Variants in DNAJC1 observed in about 807,000 individuals in gnomAD.
DNAJC1 encodes DnaJ heat shock protein family (Hsp40) member C1, also known as dnaJ homolog subfamily C member 1.
A neutral mutation model predicts 76.6 loss-of-function variants in DNAJC1; 58 were observed. The observed-to-expected ratio is 0.76, with a 90% confidence interval of 0.61 to 0.94. DNAJC1 has a LOEUF of 0.94. Ranked by LOEUF, DNAJC1 falls within the 40% of genes least tolerant of loss-of-function variation. The pLI is 0.00. For missense variants in DNAJC1, 689 were observed against 677.3 expected, an observed-to-expected ratio of 1.02 and a Z score of -0.19; for synonymous variants, 258 against 267.9, an observed-to-expected ratio of 0.96 and a Z score of 0.36.
chr10:21,759,464 C>A lies in DNAJC1; in HGVS notation c.1302G>T (p.Glu434Asp), dbSNP rs1201321473. ...EEQEGDSGEQ[E>D]TGATDARPRR... Reference sequence around the variant, plus strand: ...GAGGCCGGGCATCAGTGGCCCCGGTCTCCTGCTCACCGGAGTCTCCCTCCT... The same window carrying A: ...GAGGCCGGGCATCAGTGGCCCCGGTATCCTGCTCACCGGAGTCTCCCTCCT... The change falls in exon 11 of 12, where the codon GAG (glutamate) becomes GAT (aspartate). Residue 434 changes from glutamate (E) to aspartate (D), a missense_variant. Coordinates refer to ENST00000376980, the MANE Select transcript of DNAJC1 (RefSeq NM_022365.4). The A allele has an allele frequency of 1.9e-6, 3 of 1,614,070 alleles. No homozygotes were observed. The highest frequency in any genetic ancestry group is 2.5e-6 in the Non-Finnish European group (3 of 1,180,052).
At chr10:21,995,058 A>G (rs1838394108) in intron 1 of DNAJC1, among the ~76,000 whole-genome samples, 1 of 151,802 alleles carries the variant, frequency 6.6e-6, no homozygotes, top group South Asian at 2.1e-4. Context: ...TGTTAACGAA[A>G]AGTGTGGTAA....
chr10:21,942,131 GCAGAAAA>G (rs1235440778), intron 1 of DNAJC1, among the ~76,000 whole-genome samples: 2 of 151,942 alleles, frequency 1.3e-5, no homozygotes, highest in African/African-American at 4.8e-5. Flanking sequence ...AACCAAAAAG[GCAGAAAA>G]CACAGATGAA....
intron 3 of DNAJC1, 117 bp from the exon 4 acceptor site, chr10:21,921,080 T>G: frequency 2.3e-6 from 2 of 853,458 alleles, no homozygotes; most frequent in Non-Finnish European, 3.5e-6. Flanking sequence ...TAGATAATGT[T>G]TATGTACGTT....
At chr10:21,993,553 CCCT>C (rs1277031516) in intron 1 of DNAJC1, among the ~76,000 whole-genome samples, 2 of 152,020 alleles carry the variant, frequency 1.3e-5, no homozygotes, top group Non-Finnish European at 2.9e-5. Flanking sequence ...AAAATACAAC[CCCT>C]CAACATTTTT....
chr10:21,856,510 G>A (rs538014854), intron 8 of DNAJC1, among the ~76,000 whole-genome samples: 6 of 151,946 alleles, frequency 3.9e-5, no homozygotes, highest in African/African-American at 4.8e-5. Context: ...GGTGTTTCAC[G>A]TTGATAGCTT....
At chr10:21,977,471 C>G (rs1331266536) in intron 1 of DNAJC1, among the ~76,000 whole-genome samples, 11 of 152,036 alleles carry the variant, frequency 7.2e-5, no homozygotes, top group African/African-American at 2.7e-4. Flanking sequence ...AATAATTTCC[C>G]AAAGTAGTAA....
At position 22,003,369 on chromosome 10, in the gene DNAJC1, G is replaced by C. The variant is rs1243085953; in HGVS notation, c.66C>G (p.Phe22Leu). ...GCGGCGTCCGCGGCGGCGGCGGCGGGAACGGCACCAGCCCGAGCTGGCGGC... is the reference window on the plus strand; with the variant it reads ...GCGGCGTCCGCGGCGGCGGCGGCGGCAACGGCACCAGCCCGAGCTGGCGGC... ...PGRRQLGLVP[F>L]PPPPPRTPLL... is the part of the protein sequence containing the mutation. Residue 22 changes from phenylalanine (F) to leucine (L), a missense_variant, in exon 1 of 12, where the codon TTC (phenylalanine) becomes TTG (leucine). Transcript: ENST00000376980. The C allele has an allele frequency of 3.6e-6, 5 of 1,408,418 alleles. No individual in the cohort carries two copies. The East Asian group carries it at 1.5e-4, about 43-fold the overall frequency. The allele number at this position is 1,408,418 out of a possible 1,614,324, so 87.2% of individuals were successfully genotyped here.
At position 21,807,705 on chromosome 10, in the gene DNAJC1, AAG is replaced by A. The variant is rs149059726; in HGVS notation, c.979-1608_979-1607del. 7.6e-3 allele frequency among the ~76,000 whole-genome samples: 1,153 copies of A among 152,328 alleles called. 18 individuals carry two copies. The highest frequency in any genetic ancestry group is 0.017 in the Middle Eastern group (5 of 294). ...TCAATCATTCTATTTTGTATCCACT[AAG>A]AGCTGAAAGCCTCAAACATATTCAT... On this transcript the variant is annotated intron_variant, in intron 8 of 11. Transcript: ENST00000376980.
chr10:21,817,712 A>C (rs1781840379), intron 8 of DNAJC1, among the ~76,000 whole-genome samples: 1 of 152,250 alleles, frequency 6.6e-6, no homozygotes, highest in Admixed American at 6.5e-5. Flanking sequence ...AACCCATGGC[A>C]GAAGAACGTG....
chr10:21,763,796 T>A (rs1477344385), intron 10 of DNAJC1, among the ~76,000 whole-genome samples: 3 of 152,140 alleles, frequency 2.0e-5, no homozygotes, highest in African/African-American at 7.2e-5. Flanking sequence ...GGTATCTTGT[T>A]GCAATATCTT....
In DNAJC1 at chr10:21,908,819, C is replaced by T. The variant is rs113461470; in HGVS notation, c.730-4207G>A. The stretch of plus-strand genomic sequence containing the variant: ...TCCTATTCTCAAGGAGTTTATAATC[C>T]TTATGAATGGAACCATGAGCAAAAG... On this transcript the variant is annotated intron_variant, in intron 6 of 11. Transcript: ENST00000376980. Among the ~76,000 whole-genome samples, 36 of 152,084 alleles carry T rather than the reference C, an allele frequency of 2.4e-4. 1 individual carries two copies. Among genetic ancestry groups the T allele is most frequent in the African/African-American group, 8.4e-4 (35 of 41,502 alleles).
intron 1 of DNAJC1, among the ~76,000 whole-genome samples, chr10:21,992,537 A>G (rs1838343264): frequency 6.6e-6 from 1 of 151,870 alleles, no homozygotes; most frequent in Admixed American, 6.6e-5. Context: ...TGAGCAACAG[A>G]GCAAGACTCC....
In DNAJC1 at chr10:21,904,595, A is replaced by C. The variant is rs1836713129; in HGVS notation, c.747T>G (p.Tyr249Ter). 4 of 1,604,952 alleles carry C rather than the reference A, an allele frequency of 2.5e-6. No homozygotes were observed. The highest frequency in any genetic ancestry group is 3.4e-6 in the Non-Finnish European group (4 of 1,175,734). ...PHLIQDAGQF[Y>*]AKYKETRLKE... ...TCAATCTTGTTTCTTTATATTTAGC[A>C]TAAAACTGCCCAGCATCCTTAAGAA... The change falls in exon 7 of 12, where the codon TAT (tyrosine) becomes TAG (stop). Residue 249 changes from tyrosine to a stop codon, truncating the protein, a stop_gained. Coordinates refer to ENST00000376980, the MANE Select transcript of DNAJC1 (RefSeq NM_022365.4). LOFTEE classifies it high-confidence loss of function.
intron 7 of DNAJC1, among the ~76,000 whole-genome samples, chr10:21,900,295 A>G (rs1462988742): frequency 2.0e-5 from 3 of 151,856 alleles, no homozygotes; most frequent in Non-Finnish European, 2.9e-5. Flanking sequence ...GTGAGCCAAC[A>G]TTGCGCCACT....
chr10:21,932,521 G>A (rs1349557248), intron 1 of DNAJC1, among the ~76,000 whole-genome samples: 1 of 152,156 alleles, frequency 6.6e-6, no homozygotes, highest in Admixed American at 6.5e-5. Context: ...CTAAAAACCT[G>A]TCAAAATTTA....
At chr10:21,860,090 A>G (rs925579376) in intron 8 of DNAJC1, among the ~76,000 whole-genome samples, 1 of 151,700 alleles carries the variant, frequency 6.6e-6, no homozygotes, top group Non-Finnish European at 1.5e-5. Context: ...GCCAGAGTCA[A>G]CTTCTTAATG....
At chr10:21,789,426 T>C (rs893038424) in intron 9 of DNAJC1, among the ~76,000 whole-genome samples, 3 of 152,180 alleles carry the variant, frequency 2.0e-5, no homozygotes, top group Non-Finnish European at 4.4e-5. Flanking sequence ...GAGGCTATTG[T>C]TTCACAGACA....
chr10:21,902,865 G>A (rs903906592), intron 7 of DNAJC1, among the ~76,000 whole-genome samples: 1 of 151,984 alleles, frequency 6.6e-6, no homozygotes, highest in Non-Finnish European at 1.5e-5. Flanking sequence ...GTCCATGAGA[G>A]CAATCAAATG....
chr10:21,995,633 A>C (rs930611670), intron 1 of DNAJC1, among the ~76,000 whole-genome samples: 4 of 152,250 alleles, frequency 2.6e-5, no homozygotes, highest in African/African-American at 9.6e-5. Flanking sequence ...CTTAATGCCT[A>C]CTGCCTCAGT....
Sources: allele counts gnomAD v4.1 joint callset (sites outside exome capture counted in the v4.1 genomes callset), GRCh38; gene constraint gnomAD v4.1.1; transcripts MANE v1.5; gene names NCBI Gene and HGNC (gene_info 2026-07-23, HGNC 2026-07-21).